MED12L: variants seen among roughly 807,000 people sequenced by gnomAD.
MED12L encodes mediator complex subunit 12L.
A neutral mutation model predicts 281.3 loss-of-function variants in MED12L; 60 were observed. The observed-to-expected ratio is 0.21, with a 90% CI of 0.17 to 0.26. The LOEUF is 0.26. Among genes scored for constraint, MED12L ranks in the 10% least tolerant of loss-of-function variants. The pLI, the probability that MED12L is intolerant of heterozygous loss-of-function variation, is 1.00. For missense variants in MED12L, 2,146 were observed against 2,680.9 expected, an observed-to-expected ratio of 0.80 and a Z score of 4.41; for synonymous variants, 974 against 987.2, an observed-to-expected ratio of 0.99 and a Z score of 0.25.
chr3:151,170,385 C>A (rs1219051002), intron 11 of MED12L, among the ~76,000 whole-genome samples: 1 of 150,676 alleles, frequency 6.6e-6, no homozygotes, highest in Non-Finnish European at 1.5e-5. Flanking sequence ...AAGCCATTCT[C>A]TGCCTCAGCC....
chr3:151,273,741 A>G (rs1351666123), intron 16 of MED12L, among the ~76,000 whole-genome samples: 1 of 152,196 alleles, frequency 6.6e-6, no homozygotes, highest in African/African-American at 2.4e-5. Context: ...ATGCTATACT[A>G]CTTGGCATTG....
intron 16 of MED12L, among the ~76,000 whole-genome samples, chr3:151,260,810 C>G (rs1053390161): frequency 1.4e-4 from 21 of 151,628 alleles, no homozygotes; most frequent in African/African-American, 5.1e-4. Flanking sequence ...TTTTTTTTCT[C>G]TTCAGAATAC....
chr3:151,354,975 G>A (rs1198163283), intron 17 of MED12L, 146 bp from the exon 18 acceptor site: 2 of 664,988 alleles, frequency 3.0e-6, no homozygotes, highest in Non-Finnish European at 5.3e-6. Context: ...TTGCATTCAA[G>A]TCTTATTGTG....
chr3:151,274,209 T>A (rs777239407), intron 16 of MED12L, among the ~76,000 whole-genome samples: 2 of 152,226 alleles, frequency 1.3e-5, no homozygotes, highest in Non-Finnish European at 2.9e-5. Context: ...AATAATGTAT[T>A]TAAGGTTTCT....
chr3:151,336,550 G>A, intron 16 of MED12L: 1 of 456,162 alleles, frequency 2.2e-6, no homozygotes, highest in South Asian at 1.6e-5. Context: ...TCACCTCTGA[G>A]GATCATAAAA....
chr3:151,299,581 C>T (rs1008091824), intron 16 of MED12L, among the ~76,000 whole-genome samples: 11 of 151,334 alleles, frequency 7.3e-5, no homozygotes, highest in African/African-American at 1.7e-4. Context: ...TGGGTTCAAG[C>T]GATTCCAGTG....
At chr3:151,393,513 CT>C (rs796833997) in intron 38 of MED12L, among the ~76,000 whole-genome samples, 3 of 151,802 alleles carry the variant, frequency 2.0e-5, no homozygotes, top group African/African-American at 7.2e-5. Flanking sequence ...ACAACCCCCC[CT>C]CCCACCGTAA....
At chr3:151,086,518 C>T (rs193202692) in intron 1 of MED12L, 2,726 of 156,984 alleles carry the variant, frequency 0.017, 88 homozygotes, top group African/African-American at 0.063. Context: ...ACCCCCACCC[C>T]CATCCTGCGC....
intron 16 of MED12L, among the ~76,000 whole-genome samples, chr3:151,223,837 A>G (rs1331888043): frequency 2.0e-5 from 3 of 152,210 alleles, no homozygotes; most frequent in Admixed American, 6.5e-5. Flanking sequence ...TGTTGAACCT[A>G]AAAGAAAAAA....
At position 151,431,038 on chromosome 3, in the gene MED12L, G is replaced by T. The variant is rs951741895; in HGVS notation, c.6490+658G>T. Among the ~76,000 whole-genome samples the T allele has an allele frequency of 1.2e-4, 18 of 152,232 alleles. 1 individual carries two copies. The highest frequency in any genetic ancestry group is 4.1e-4 in the African/African-American group (17 of 41,554). ...CTCAATGCCAGCAGTGTGCTCCCAT[G>T]AATTGAATCACCCCTGGGCGGGTGT... On this transcript the variant is annotated intron_variant, in intron 44 of 44. Coordinates refer to ENST00000687756, the MANE Select transcript of MED12L (RefSeq NM_001393769.1).
intron 16 of MED12L, among the ~76,000 whole-genome samples, chr3:151,226,627 A>G (rs1269609143): frequency 6.6e-6 from 1 of 152,028 alleles, no homozygotes; most frequent in East Asian, 1.9e-4. Context: ...TTTTTCAAGA[A>G]AGGAATGTGC....
chr3:151,399,456 T>C (rs558200483), intron 39 of MED12L, among the ~76,000 whole-genome samples: 1 of 152,230 alleles, frequency 6.6e-6, no homozygotes, highest in Non-Finnish European at 1.5e-5. Context: ...CCTCATTTGC[T>C]TAGTGGTTAC....
chr3:151,294,621 A>G, intron 16 of MED12L: 1 of 1,614,206 alleles, frequency 6.2e-7, no homozygotes, highest in Non-Finnish European at 8.5e-7. Context: ...CTGTTCACAT[A>G]GGTGACTGCC....
At chr3:151,324,747 G>A (rs1392305669) in intron 16 of MED12L, among the ~76,000 whole-genome samples, 2 of 152,112 alleles carry the variant, frequency 1.3e-5, no homozygotes, top group Non-Finnish European at 2.9e-5. Flanking sequence ...GCCGATTCCG[G>A]TAGCCACTAA....
intron 16 of MED12L, among the ~76,000 whole-genome samples, chr3:151,291,546 T>C (rs1430430787): frequency 6.6e-6 from 1 of 152,228 alleles, no homozygotes; most frequent in Non-Finnish European, 1.5e-5. Flanking sequence ...AAATACACTA[T>C]TTATTGCTTT....
chr3:151,376,757 C>CA, intron 28 of MED12L, 43 bp from the exon 29 acceptor site: 1 of 1,490,458 alleles, frequency 6.7e-7, no homozygotes. Flanking sequence ...TATTTTAACA[C>CA]ATTTGATACC....
intron 38 of MED12L, among the ~76,000 whole-genome samples, chr3:151,392,526 T>G (rs1157285817): frequency 6.7e-6 from 1 of 149,528 alleles, no homozygotes. Context: ...TGAAAAAAAT[T>G]ATTTTTGAGG....
intron 11 of MED12L, among the ~76,000 whole-genome samples, chr3:151,175,025 G>A (rs553413605): frequency 6.6e-6 from 1 of 152,320 alleles, no homozygotes; most frequent in African/African-American, 2.4e-5. Flanking sequence ...TATAAAAAAT[G>A]AATACCATTT....
At position 151,382,597 on chromosome 3, in the gene MED12L, T is replaced by G. The variant is rs1206408891; in HGVS notation, c.4591-59T>G. ...TTTTTGCTATCAGTATAAAGCTCAA[T>G]TTATCTTTAAATGAGAGAAAAATTA... is the stretch of plus-strand genomic sequence containing the variant. On this transcript the variant is annotated intron_variant, in intron 32 of 44. Coordinates refer to ENST00000687756, the MANE Select transcript of MED12L (RefSeq NM_001393769.1). The G allele has an allele frequency of 2.6e-5, 33 of 1,275,992 alleles. 1 individual carries two copies. In the South Asian group the frequency reaches 4.4e-4, roughly 17 times the overall value. The allele number at this position is 1,275,992 out of a possible 1,614,324, so 79.0% of individuals were successfully genotyped here.
Sources: gnomAD v4.1 joint callset for allele counts (sites outside exome capture counted in the v4.1 genomes callset) on GRCh38, gnomAD v4.1.1 for gene constraint, MANE v1.5 for transcripts, NCBI Gene and HGNC (gene_info 2026-07-23, HGNC 2026-07-21) for gene names.